Variants in NHSL1 observed in about 807,000 individuals in gnomAD.
The protein encoded by NHSL1 is NHS like 1.
In NHSL1, 48 loss-of-function variants were observed where a neutral mutation model predicts 95.0. The ratio of observed to expected loss-of-function variants is 0.51; its 90% confidence interval spans 0.40 to 0.64. The LOEUF (loss-of-function observed/expected upper bound fraction) is 0.64. Ranked by LOEUF, NHSL1 falls within the 30% of genes least tolerant of loss-of-function variation. The pLI is 0.00. For missense variants in NHSL1, 1,971 were observed against 2,077.7 expected (o/e 0.95, Z 1.00); for synonymous variants, 783 against 833.9 (o/e 0.94, Z 1.05).
intron 2 of NHSL1, among the ~76,000 whole-genome samples, chr6:138,482,177 G>C (rs1311731981): frequency 6.6e-6 from 1 of 152,222 alleles, no homozygotes; most frequent in Non-Finnish European, 1.5e-5. Context: ...AGCCGGGCGT[G>C]GTGGCTCACG....
intron 1 of NHSL1, among the ~76,000 whole-genome samples, chr6:138,567,432 G>A (rs1371722793): frequency 6.6e-6 from 1 of 152,106 alleles, no homozygotes; most frequent in Non-Finnish European, 1.5e-5. Context: ...CCTGGCCCAG[G>A]AAGCTATTCC....
At chr6:138,653,496 G>A (rs1785118093) in intron 1 of NHSL1, among the ~76,000 whole-genome samples, 1 of 152,090 alleles carries the variant, frequency 6.6e-6, no homozygotes. Context: ...GGAGATTGCA[G>A]TGAGCTGAGA....
At chr6:138,640,512 T>A (rs1307740646) in intron 1 of NHSL1, among the ~76,000 whole-genome samples, 1 of 152,180 alleles carries the variant, frequency 6.6e-6, no homozygotes, top group East Asian at 1.9e-4. Flanking sequence ...CCTCAGAATA[T>A]GATAAAGATG....
intron 1 of NHSL1, among the ~76,000 whole-genome samples, chr6:138,616,816 C>T (rs1784585086): frequency 6.6e-6 from 1 of 152,188 alleles, no homozygotes; most frequent in Admixed American, 6.5e-5. Flanking sequence ...GCCTAATCTG[C>T]CAGAACCAGG....
chr6:138,481,855 C>T (rs1779434011), intron 2 of NHSL1, among the ~76,000 whole-genome samples: 1 of 152,088 alleles, frequency 6.6e-6, no homozygotes, highest in Non-Finnish European at 1.5e-5. Flanking sequence ...CCCATAAGAC[C>T]ACTTCTTCAC....
At chr6:138,524,711 A>G (rs1181757344) in intron 1 of NHSL1, among the ~76,000 whole-genome samples, 1 of 152,096 alleles carries the variant, frequency 6.6e-6, no homozygotes, top group African/African-American at 2.4e-5. Flanking sequence ...CAGAAGGGGA[A>G]TTTGCTGGGT....
chr6:138,525,228 A>G (rs1469825874), intron 1 of NHSL1, among the ~76,000 whole-genome samples: 1 of 152,170 alleles, frequency 6.6e-6, no homozygotes, highest in Non-Finnish European at 1.5e-5. Flanking sequence ...TTTCAGCCCT[A>G]TCAAAAACAA....
intron 1 of NHSL1, among the ~76,000 whole-genome samples, chr6:138,673,064 T>C (rs897289165): frequency 1.7e-4 from 23 of 137,660 alleles, no homozygotes; most frequent in Non-Finnish European, 3.7e-4. Context: ...GATAGATAGA[T>C]AATGTTTCTA....
At chr6:138,489,738 G>C (rs1344035912) in intron 2 of NHSL1, among the ~76,000 whole-genome samples, 1 of 143,788 alleles carries the variant, frequency 7.0e-6, no homozygotes, top group African/African-American at 2.6e-5. Context: ...CTCTAGCCTG[G>C]GCAACAGAGC....
At chr6:138,514,189 G>C (rs978780766) in intron 1 of NHSL1, among the ~76,000 whole-genome samples, 1 of 152,050 alleles carries the variant, frequency 6.6e-6, no homozygotes, top group African/African-American at 2.4e-5. Context: ...GTGGTGGTGA[G>C]CACCTGTAGT....
chr6:138,620,118 AG>A (rs1443667353), intron 1 of NHSL1, among the ~76,000 whole-genome samples: 1 of 152,216 alleles, frequency 6.6e-6, no homozygotes, highest in Admixed American at 6.5e-5. Context: ...ATAACATTTA[AG>A]ATGGAAACTA....
chr6:138,583,331 AT>A, intron 1 of NHSL1, among the ~76,000 whole-genome samples: 1 of 152,308 alleles, frequency 6.6e-6, no homozygotes, highest in Non-Finnish European at 1.5e-5. Flanking sequence ...GGGAAGGGAA[AT>A]AACTCCACTC....
chr6:138,464,369 G>A (rs987277420), intron 3 of NHSL1: 22 of 462,894 alleles, frequency 4.8e-5, no homozygotes, highest in South Asian at 7.2e-5. Flanking sequence ...GGTCGCCATC[G>A]CTGCCTTCGC....
At chr6:138,681,561 G>T (rs1292011752) in intron 1 of NHSL1, among the ~76,000 whole-genome samples, 1 of 152,180 alleles carries the variant, frequency 6.6e-6, no homozygotes. Flanking sequence ...AATATCCTGG[G>T]AGAAGCAGGC....
At chr6:138,519,898 G>C (rs1357230044) in intron 1 of NHSL1, among the ~76,000 whole-genome samples, 2 of 152,096 alleles carry the variant, frequency 1.3e-5, no homozygotes, top group African/African-American at 4.8e-5. Flanking sequence ...TTAAAAAGTT[G>C]ATAAAGATGA....
In NHSL1 at chr6:138,431,780, C is replaced by CAGTGCAG. The variant is rs1435169316; in HGVS notation, c.2564_2565insCTGCACT (p.Gln855HisfsTer56). On this transcript the variant is annotated frameshift_variant, in exon 6 of 8. Coordinates refer to ENST00000343505, the MANE Select transcript of NHSL1 (RefSeq NM_001144060.2). LOFTEE classifies it high-confidence loss of function. The surrounding 1 kb of genome is among the most constrained non-coding windows in gnomAD (Gnocchi z 4.0). Reference sequence around the variant, plus strand: ...GGGTGAGTGCTGTGGGTGTATTCGACTGGCTGGAATACCCACTGGATGGAG... The same window carrying CAGTGCAG: ...GGGTGAGTGCTGTGGGTGTATTCGACAGTGCAGTGGCTGGAATACCCACTGGATGGAG... The CAGTGCAG allele has an allele frequency of 1.3e-6, 2 of 1,551,684 alleles. No individual in the cohort carries two copies. The highest frequency in any genetic ancestry group is 1.7e-6 in the Non-Finnish European group (2 of 1,146,918).
At chr6:138,618,075 T>C (rs1784604931) in intron 1 of NHSL1, among the ~76,000 whole-genome samples, 1 of 152,214 alleles carries the variant, frequency 6.6e-6, no homozygotes, top group Non-Finnish European at 1.5e-5. Flanking sequence ...TAATTTTATA[T>C]GCCACGATTT....
chr6:138,593,254 T>G (rs73564376), intron 1 of NHSL1, among the ~76,000 whole-genome samples: 1 of 152,338 alleles, frequency 6.6e-6, no homozygotes, highest in Non-Finnish European at 1.5e-5. Flanking sequence ...CTGCTAGGAC[T>G]AGAATCCCGT....
chr6:138,542,989 C>A (rs1262377542), intron 1 of NHSL1, among the ~76,000 whole-genome samples: 1 of 152,166 alleles, frequency 6.6e-6, no homozygotes, highest in Admixed American at 6.5e-5. Flanking sequence ...GTCCCGAACT[C>A]AGGGCCTCAA....
Sources: gnomAD v4.1 joint callset for allele counts (sites outside exome capture counted in the v4.1 genomes callset) on GRCh38, gnomAD v4.1.1 for gene constraint, Gnocchi (gnomAD v3.1) non-coding constraint, MANE v1.5 for transcripts, NCBI Gene and HGNC (gene_info 2026-07-23, HGNC 2026-07-21) for gene names.